MRTFB: variants seen among roughly 807,000 people sequenced by gnomAD.
The protein encoded by MRTFB is myocardin related transcription factor B, also known as myocardin-related transcription factor B.
A neutral mutation model predicts 104.2 loss-of-function variants in MRTFB; 29 were observed. The observed-to-expected ratio is 0.28, with a 90% CI of 0.21 to 0.38. The LOEUF is 0.38. MRTFB is among the 10% of genes least tolerant of loss of function. MRTFB has a pLI of 1.00. For missense variants in MRTFB, 1,270 were observed against 1,341.6 expected (o/e 0.95, Z 0.83); for synonymous variants, 535 against 519.5 (o/e 1.03, Z -0.41).
chr16:14,136,804 C>T (rs2037745382), intron 2 of MRTFB, among the ~76,000 whole-genome samples: 1 of 151,716 alleles, frequency 6.6e-6, no homozygotes, highest in African/African-American at 2.4e-5. Context: ...TAGTATCTCA[C>T]AATGAACTGG....
chr16:14,022,085 A>T, the MRTFB span, among the ~76,000 whole-genome samples: 1,173 of 152,320 alleles, frequency 7.7e-3, 16 homozygotes, highest in African/African-American at 0.027. Context: ...CACCAAAAAA[A>T]ATCCAGGATA....
intron 2 of MRTFB, among the ~76,000 whole-genome samples, chr16:14,085,213 T>C (rs1372086637): frequency 6.6e-6 from 1 of 152,092 alleles, no homozygotes. Flanking sequence ...CCCAGCACTT[T>C]GGGTGGCTGA....
At chr16:14,093,898 C>T (rs1451153663) in intron 2 of MRTFB, among the ~76,000 whole-genome samples, 2 of 152,206 alleles carry the variant, frequency 1.3e-5, no homozygotes, top group Admixed American at 6.5e-5. Flanking sequence ...CACCCCTTAT[C>T]AGCTCCTGGA....
intron 3 of MRTFB, among the ~76,000 whole-genome samples, chr16:14,175,595 T>A (rs965140548): frequency 1.3e-5 from 2 of 152,240 alleles, no homozygotes; most frequent in African/African-American, 4.8e-5. Flanking sequence ...AAGCATACAC[T>A]TTCTACATGG....
At chr16:14,183,815 T>C (rs758411398) in intron 3 of MRTFB, among the ~76,000 whole-genome samples, 1 of 152,068 alleles carries the variant, frequency 6.6e-6, no homozygotes, top group Non-Finnish European at 1.5e-5. Flanking sequence ...CAACTTTTGA[T>C]ATAAACCTAC....
At chr16:14,104,310 C>T (rs2035858872) in intron 2 of MRTFB, among the ~76,000 whole-genome samples, 1 of 152,150 alleles carries the variant, frequency 6.6e-6, no homozygotes, top group Admixed American at 6.5e-5. Context: ...TTCACCATTT[C>T]TAAGGGTTTC....
At chr16:14,082,088 G>A (rs969092828) in intron 2 of MRTFB, among the ~76,000 whole-genome samples, 1 of 152,112 alleles carries the variant, frequency 6.6e-6, no homozygotes, top group Non-Finnish European at 1.5e-5. Context: ...CCTGTGTTTT[G>A]GGGTTCATAT....
At chr16:14,065,967 T>G in the MRTFB span, among the ~76,000 whole-genome samples, 1 of 152,314 alleles carries the variant, frequency 6.6e-6, no homozygotes, top group Non-Finnish European at 1.5e-5. Context: ...TTTTTCATTC[T>G]ACTTACTACA....
At chr16:14,122,694 C>A (rs141371208) in intron 2 of MRTFB, among the ~76,000 whole-genome samples, 3 of 152,044 alleles carry the variant, frequency 2.0e-5, no homozygotes, top group Non-Finnish European at 4.4e-5. Context: ...CTATCATTGA[C>A]GGACATTTGG....
chr16:14,156,123 C>T (rs528886858), intron 3 of MRTFB, among the ~76,000 whole-genome samples: 27 of 152,302 alleles, frequency 1.8e-4, no homozygotes, highest in African/African-American at 6.5e-4. Context: ...TCTCAGGGGC[C>T]ACAGCCCTGC....
At chr16:14,171,841 C>T (rs758894063) in intron 3 of MRTFB, among the ~76,000 whole-genome samples, 11 of 152,094 alleles carry the variant, frequency 7.2e-5, no homozygotes, top group Non-Finnish European at 1.0e-4. Flanking sequence ...TAAAAAATAC[C>T]TACAAACTGG....
At chr16:14,243,532 C>T (rs1201353063) in intron 10 of MRTFB, among the ~76,000 whole-genome samples, 2 of 152,186 alleles carry the variant, frequency 1.3e-5, no homozygotes, top group Non-Finnish European at 2.9e-5. Flanking sequence ...AAGGAAACAC[C>T]ACTGTTACCA....
intron 15 of MRTFB, among the ~76,000 whole-genome samples, chr16:14,252,750 T>A (rs2043308285): frequency 6.6e-6 from 1 of 152,198 alleles, no homozygotes; most frequent in African/African-American, 2.4e-5. Context: ...TCTCTTAACT[T>A]TTCTTTTGGG....
In MRTFB at chr16:14,243,268, G is replaced by T. The variant is rs2042857220; in HGVS notation, c.1080-2260G>T. On this transcript the variant is annotated intron_variant, in intron 10 of 16. Coordinates refer to ENST00000571589, the MANE Select transcript of MRTFB (RefSeq NM_001308142.2). ...ATTTAACTTCAACAAAATTCAGCCA[G>T]GTTTTAGAAGACCCCAAAATGAATG... Among the ~76,000 whole-genome samples, 3 of 152,186 alleles carry T rather than the reference G, an allele frequency of 2.0e-5. No homozygotes were observed. In the South Asian group the frequency reaches 6.2e-4, roughly 32 times the overall value.
intron 2 of MRTFB, among the ~76,000 whole-genome samples, chr16:14,138,560 T>G (rs1294582515): frequency 6.6e-6 from 1 of 152,200 alleles, no homozygotes; most frequent in Admixed American, 6.5e-5. Context: ...TTAAGTTTGC[T>G]GAACTCTTGC....
chr16:14,171,649 C>T (rs1461754442), intron 3 of MRTFB, among the ~76,000 whole-genome samples: 1 of 152,198 alleles, frequency 6.6e-6, no homozygotes, highest in Non-Finnish European at 1.5e-5. Context: ...TGTAACTCCA[C>T]TCTCTGACAG....
the MRTFB span, among the ~76,000 whole-genome samples, chr16:14,008,476 C>T: frequency 4.9e-4 from 74 of 152,282 alleles, 1 homozygote; most frequent in African/African-American, 1.5e-3. Flanking sequence ...TTGGCTGCCT[C>T]GTAGAAAATC....
At chr16:14,243,864 G>GTTTTTTTTTTTTTTT (rs56296807) in intron 10 of MRTFB, among the ~76,000 whole-genome samples, 2,583 of 124,094 alleles carry the variant, frequency 0.021, 137 homozygotes, top group African/African-American at 0.031. Context: ...CCTGTTTTGG[G>GTTTTTTTTTTTTTTT]TTTTTTTTTT....
chr16:14,160,937 T>C (rs2039007810), intron 3 of MRTFB, among the ~76,000 whole-genome samples: 1 of 152,162 alleles, frequency 6.6e-6, no homozygotes, highest in Admixed American at 6.5e-5. Flanking sequence ...ATTGGCTTCA[T>C]CTTGGAATTA....
Sources: gnomAD v4.1 joint callset for allele counts (sites outside exome capture counted in the v4.1 genomes callset) on GRCh38, gnomAD v4.1.1 for gene constraint, MANE v1.5 for transcripts, NCBI Gene and HGNC (gene_info 2026-07-23, HGNC 2026-07-21) for gene names.